Variants in TRAPPC9 observed in about 807,000 individuals in gnomAD.
TRAPPC9 encodes IKK2 binding protein.
In TRAPPC9, 83 loss-of-function variants were observed where a neutral mutation model predicts 124.0. The observed-to-expected ratio is 0.67, with a 90% CI of 0.56 to 0.80. TRAPPC9 has a LOEUF of 0.80. TRAPPC9 is among the 30% of genes least tolerant of loss of function. TRAPPC9 has a pLI of 0.00. For missense variants in TRAPPC9, 1,302 were observed against 1,508.3 expected (o/e 0.86, Z 2.27); for synonymous variants, 638 against 617.5 (o/e 1.03, Z -0.49).
chr8:140,206,809 C>T lies in TRAPPC9; in HGVS notation c.2556+14650G>A, dbSNP rs146292349. Among the ~76,000 whole-genome samples, 143 of 151,794 alleles carry T rather than the reference C, an allele frequency of 9.4e-4. 1 individual carries two copies. Among genetic ancestry groups the T allele is most frequent in the African/African-American group, 3.2e-3 (134 of 41,260 alleles). On this transcript the variant is annotated intron_variant, in intron 17 of 22. Coordinates refer to ENST00000438773, the MANE Select transcript of TRAPPC9 (RefSeq NM_001160372.4). ...CCGTTTCTCCTTGTTTTTGCTGAGGCTGGTCCTTTGGCTTAGAATGCCTTT... is the reference window on the plus strand; with the variant it reads ...CCGTTTCTCCTTGTTTTTGCTGAGGTTGGTCCTTTGGCTTAGAATGCCTTT...
intron 19 of TRAPPC9, among the ~76,000 whole-genome samples, chr8:139,965,869 T>A (rs1415313912): frequency 2.2e-5 from 2 of 92,578 alleles, no homozygotes; most frequent in Non-Finnish European, 5.4e-5. Context: ...TTTAACCTAA[T>A]CACCAATAAA....
At chr8:140,052,838 C>T (rs1042693363) in intron 17 of TRAPPC9, among the ~76,000 whole-genome samples, 2 of 151,704 alleles carry the variant, frequency 1.3e-5, no homozygotes, top group African/African-American at 2.4e-5. Flanking sequence ...TCCCAGCTAC[C>T]GGAGAGGCTG....
chr8:139,927,377 T>G (rs1417634966), intron 19 of TRAPPC9, among the ~76,000 whole-genome samples: 1 of 152,198 alleles, frequency 6.6e-6, no homozygotes. Flanking sequence ...CCTGAGTAGC[T>G]GGGACTACAA....
At chr8:140,280,202 G>GCTC (rs2131684228) in intron 14 of TRAPPC9, among the ~76,000 whole-genome samples, 1 of 152,364 alleles carries the variant, frequency 6.6e-6, no homozygotes, top group Non-Finnish European at 1.5e-5. Flanking sequence ...CTGGGAGTCT[G>GCTC]AGCGTCTGGC....
At chr8:139,796,163 G>A (rs113799147) in intron 21 of TRAPPC9, among the ~76,000 whole-genome samples, 1 of 151,540 alleles carries the variant, frequency 6.6e-6, no homozygotes, top group Non-Finnish European at 1.5e-5. Flanking sequence ...AGGAAGAGGA[G>A]GAGGAGGAGG....
At chr8:139,822,500 G>A (rs1482320554) in intron 21 of TRAPPC9, among the ~76,000 whole-genome samples, 4 of 152,206 alleles carry the variant, frequency 2.6e-5, no homozygotes, top group Non-Finnish European at 4.4e-5. Flanking sequence ...ATCCGGGCCT[G>A]TGTATTGACA....
intron 21 of TRAPPC9, among the ~76,000 whole-genome samples, chr8:139,750,240 T>C (rs11992718): frequency 0.3 from 45,898 of 152,044 alleles, 9,280 homozygotes; most frequent in African/African-American, 0.58. Context: ...AGTATTAATT[T>C]AATCCGGGGT....
intron 7 of TRAPPC9, 130 bp downstream of exon 7, chr8:140,397,490 C>T (rs1165493288): frequency 1.9e-6 from 2 of 1,033,644 alleles, no homozygotes; most frequent in African/African-American, 3.2e-5. Context: ...AATTAGAAAT[C>T]AAGTTAAGAT....
intron 17 of TRAPPC9, among the ~76,000 whole-genome samples, chr8:140,157,068 CCATTCAAAAGCCTCCCTTTT>C (rs2061655240): frequency 9.8e-6 from 1 of 102,284 alleles, no homozygotes; most frequent in African/African-American, 3.7e-5. Flanking sequence ...GCCTCCCTTT[CCATTCAAAAGCCTCCCTTTT>C]CCATTCAGAA....
chr8:140,027,811 G>A (rs933722668), intron 17 of TRAPPC9, among the ~76,000 whole-genome samples: 6 of 152,100 alleles, frequency 3.9e-5, no homozygotes, highest in Non-Finnish European at 5.9e-5. Context: ...GGCGGCAGGA[G>A]AAAGTGAGTG....
intron 21 of TRAPPC9, among the ~76,000 whole-genome samples, chr8:139,862,428 C>T (rs1039519638): frequency 6.6e-6 from 1 of 152,242 alleles, no homozygotes; most frequent in Admixed American, 6.5e-5. Context: ...GGAGCACCAG[C>T]CTTGGGCCTT....
intron 17 of TRAPPC9, among the ~76,000 whole-genome samples, chr8:140,200,115 G>A (rs13259162): frequency 0.35 from 53,129 of 151,864 alleles, 9,553 homozygotes; most frequent in East Asian, 0.58. Context: ...TCTCACGGCC[G>A]GAGAGGGAAG....
chr8:140,370,825 C>T lies in TRAPPC9; in HGVS notation c.1351+139G>A, dbSNP rs535379054. On this transcript the variant is annotated intron_variant, in intron 8 of 22. Coordinates refer to ENST00000438773, the MANE Select transcript of TRAPPC9 (RefSeq NM_001160372.4). ...CTATAATCGGATTACAGCAGGCACC[C>T]AACTCCAGGGCAGGGATCTAGTCAT... 1,402 of 913,308 alleles carry T rather than the reference C, an allele frequency of 1.5e-3. 29 individuals carry two copies. The South Asian group carries it at 0.019, about 12-fold the overall frequency. The allele number at this position is 913,308 out of a possible 1,614,324, so 56.6% of individuals were successfully genotyped here. A position where few individuals can be genotyped will look rare whatever the true frequency, so the allele number is the denominator to read the frequency against.
intron 19 of TRAPPC9, among the ~76,000 whole-genome samples, chr8:139,983,904 CT>C (rs536951242): frequency 5.2e-4 from 79 of 152,264 alleles, no homozygotes; most frequent in African/African-American, 1.8e-3. Flanking sequence ...TTTTGCTTAT[CT>C]ATAAAATGAG....
intron 19 of TRAPPC9, among the ~76,000 whole-genome samples, chr8:139,928,795 G>A (rs1477670588): frequency 6.0e-5 from 9 of 150,692 alleles, no homozygotes; most frequent in South Asian, 2.2e-4. Context: ...TGTGTATGGC[G>A]CTCACAGGGT....
At chr8:140,339,165 C>T (rs1029517516) in intron 9 of TRAPPC9, among the ~76,000 whole-genome samples, 7 of 152,172 alleles carry the variant, frequency 4.6e-5, no homozygotes, top group Non-Finnish European at 7.3e-5. Flanking sequence ...AACAAGCCAG[C>T]ACCACCAACA....
Position 139,776,565 on chromosome 8 carries a change from GC to G in TRAPPC9, c.3056-44364del, listed in dbSNP as rs1409355147. Among the ~76,000 whole-genome samples the G allele has an allele frequency of 6.6e-6, 1 of 152,142 alleles. No homozygotes were observed. The highest frequency in any genetic ancestry group is 1.5e-5 in the Non-Finnish European group (1 of 68,040). ...TAGGAAGGCACAGCTGACCACCCAG[GC>G]CTCATTCGCAGCTGTGTTCTGAACC... On this transcript the variant is annotated intron_variant, in intron 21 of 22. Transcript: ENST00000438773. This position sits in a 1 kb window ranked among gnomAD's most constrained non-coding sequence, Gnocchi z 4.1.
chr8:140,356,750 C>G (rs1281253414), intron 9 of TRAPPC9, among the ~76,000 whole-genome samples: 1 of 151,928 alleles, frequency 6.6e-6, no homozygotes, highest in Non-Finnish European at 1.5e-5. Flanking sequence ...GCTGGGATTA[C>G]AGGCGTGCAC....
At chr8:140,086,350 T>C (rs908627049) in intron 17 of TRAPPC9, among the ~76,000 whole-genome samples, 2 of 151,850 alleles carry the variant, frequency 1.3e-5, no homozygotes, top group Non-Finnish European at 2.9e-5. Context: ...GGGGTAGAAA[T>C]GGAAGGGGAG....
Sources: gnomAD v4.1 joint callset for allele counts (sites outside exome capture counted in the v4.1 genomes callset) on GRCh38, gnomAD v4.1.1 for gene constraint, Gnocchi (gnomAD v3.1) non-coding constraint, MANE v1.5 for transcripts, NCBI Gene and HGNC (gene_info 2026-07-23, HGNC 2026-07-21) for gene names.